Variants in PSD3 observed in about 807,000 individuals in gnomAD.
PSD3 encodes the protein PH and SEC7 domain-containing protein 3.
PSD3 carries 49 observed loss-of-function variants against 105.5 expected under a neutral mutation model. The ratio of observed to expected loss-of-function variants is 0.46; its 90% CI spans 0.37 to 0.59. The LOEUF (loss-of-function observed/expected upper bound fraction) is 0.59. Among genes scored for constraint, PSD3 ranks in the 20% least tolerant of loss-of-function variants. PSD3 has a pLI of 0.00. For missense variants in PSD3, 1,561 were observed against 1,263.8 expected, an observed-to-expected ratio of 1.24 and a Z score of -3.57; for synonymous variants, 557 against 457.8, an observed-to-expected ratio of 1.22 and a Z score of -2.77.
At chr8:18,825,243 A>G (rs1195228060) in intron 4 of PSD3, among the ~76,000 whole-genome samples, 6 of 152,204 alleles carry the variant, frequency 3.9e-5, no homozygotes, top group Non-Finnish European at 8.8e-5. Context: ...CCTAAGTTCT[A>G]AACAAATTTA....
At chr8:18,704,336 G>A (rs1801764158) in intron 9 of PSD3, among the ~76,000 whole-genome samples, 1 of 152,112 alleles carries the variant, frequency 6.6e-6, no homozygotes, top group Non-Finnish European at 1.5e-5. Context: ...GTGTATAAAG[G>A]AAAATAAGAG....
chr8:18,907,580 G>A (rs1819927805), intron 2 of PSD3, among the ~76,000 whole-genome samples: 1 of 152,172 alleles, frequency 6.6e-6, no homozygotes. Flanking sequence ...CATTAAGGCA[G>A]CAACATGTTG....
intron 8 of PSD3, among the ~76,000 whole-genome samples, chr8:18,786,547 A>G (rs534841568): frequency 4.0e-4 from 61 of 152,258 alleles, no homozygotes; most frequent in African/African-American, 1.3e-3. Flanking sequence ...TACCAATTTG[A>G]CTCACGTGGA....
chr8:18,540,257 A>G lies in PSD3; in HGVS notation c.2929-4299T>C, dbSNP rs116205524. Among the ~76,000 whole-genome samples the G allele has an allele frequency of 4.2e-3, 643 of 152,330 alleles. 5 individuals are homozygous for G. The highest frequency in any genetic ancestry group is 0.015 in the African/African-American group (627 of 41,564). ...ACATTGTTTTTTAAGACATAATGCA[A>G]TTGTACACTTAACGGATGACTGTAT... On this transcript the variant is annotated intron_variant, in intron 15 of 15. Transcript: ENST00000327040.
intron 9 of PSD3, among the ~76,000 whole-genome samples, chr8:18,661,923 T>C (rs1177208216): frequency 6.6e-5 from 10 of 152,200 alleles, no homozygotes; most frequent in Non-Finnish European, 1.5e-4. Flanking sequence ...AGAGAATGTA[T>C]ATTCATAAGC....
Position 19,027,204 on chromosome 8 carries a change from G to A in PSD3, c.324+57002C>T, listed in dbSNP as rs181016527. Among the ~76,000 whole-genome samples the A allele has an allele frequency of 5.3e-5, 8 of 151,982 alleles. No homozygotes were observed. The East Asian group carries it at 9.6e-4, about 18-fold the overall frequency. On this transcript the variant is annotated intron_variant, in intron 1 of 1. Coordinates refer to the PSD3 transcript ENST00000521475. Reference sequence around the variant, plus strand: ...AGACTCTCATTCTGTCAGATCAGAGGTCTCCAAGGGAAAAAAACAAAAAAG... The same window carrying A: ...AGACTCTCATTCTGTCAGATCAGAGATCTCCAAGGGAAAAAAACAAAAAAG...
chr8:18,733,366 A>G (rs6980995), intron 9 of PSD3: 11,665 of 152,364 alleles, frequency 0.077, 879 homozygotes, highest in East Asian at 0.24. Context: ...GAAACTGATA[A>G]ATGGAGGGGG....
Position 18,787,038 on chromosome 8 carries a change from G to A in PSD3, c.2082+12257C>T, listed in dbSNP as rs1320729565. Among the ~76,000 whole-genome samples, 5 of 152,194 alleles carry A rather than the reference G, an allele frequency of 3.3e-5. No homozygotes were observed. In the East Asian group the frequency reaches 9.6e-4, roughly 29 times the overall value. ...TTTTCTCCTTGTCATGTACCAGGCT[G>A]TCTCAATTATTTTAAAATACTATTA... On this transcript the variant is annotated intron_variant, in intron 8 of 15. Transcript: ENST00000327040.
At chr8:18,981,321 C>T (rs1825242255) in intron 1 of PSD3, among the ~76,000 whole-genome samples, 1 of 152,186 alleles carries the variant, frequency 6.6e-6, no homozygotes, top group Non-Finnish European at 1.5e-5. Context: ...AAAAAGTCCA[C>T]TCATTATTGA....
intron 1 of PSD3, among the ~76,000 whole-genome samples, chr8:18,951,827 A>G (rs1242890201): frequency 1.3e-5 from 2 of 152,052 alleles, no homozygotes; most frequent in Non-Finnish European, 2.9e-5. Context: ...TCCACTAAAA[A>G]TACAAAAAAT....
intron 9 of PSD3, among the ~76,000 whole-genome samples, chr8:18,756,041 C>A (rs73593569): frequency 1.1e-4 from 16 of 152,246 alleles, no homozygotes; most frequent in African/African-American, 3.9e-4. Flanking sequence ...AAGCCAGAAC[C>A]TTTAAAGCTT....
At chr8:18,910,511 T>G (rs1820139991) in intron 2 of PSD3, among the ~76,000 whole-genome samples, 1 of 111,296 alleles carries the variant, frequency 9.0e-6, no homozygotes, top group Admixed American at 9.4e-5. Context: ...GGGGGAGGGA[T>G]AGCATTGGGA....
chr8:18,586,771 T>G (rs573014740), intron 12 of PSD3, among the ~76,000 whole-genome samples: 4 of 152,166 alleles, frequency 2.6e-5, no homozygotes, highest in Non-Finnish European at 5.9e-5. Flanking sequence ...GGCCGAGACG[T>G]TGGCAGCCGC....
chr8:18,600,934 G>C (rs950601647), intron 11 of PSD3, among the ~76,000 whole-genome samples: 1 of 152,120 alleles, frequency 6.6e-6, no homozygotes, highest in African/African-American at 2.4e-5. Flanking sequence ...CCCTCAACCA[G>C]AGTGCAAGTT....
chr8:18,750,247 T>C (rs1350761620), intron 9 of PSD3, among the ~76,000 whole-genome samples: 1 of 152,176 alleles, frequency 6.6e-6, no homozygotes, highest in Admixed American at 6.5e-5. Flanking sequence ...TCGCGGTGAG[T>C]GCTACAGCTC....
chr8:18,704,659 G>T (rs1801785990), intron 9 of PSD3, among the ~76,000 whole-genome samples: 1 of 152,112 alleles, frequency 6.6e-6, no homozygotes, highest in African/African-American at 2.4e-5. Context: ...GAACCTTATT[G>T]TGAGTTTCCA....
chr8:18,630,363 T>A (rs1388260423), intron 11 of PSD3, among the ~76,000 whole-genome samples: 1 of 151,940 alleles, frequency 6.6e-6, no homozygotes, highest in African/African-American at 2.4e-5. Context: ...TCTATATTCA[T>A]ATGTATTAGG....
In PSD3 at chr8:18,685,846, G is replaced by A. The variant is rs552586012; in HGVS notation, c.2173-30161C>T. On this transcript the variant is annotated intron_variant, in intron 9 of 15. Coordinates refer to ENST00000327040, the MANE Select transcript of PSD3 (RefSeq NM_015310.4). ...AGTAAGAAACTAATACCATAATAAA[G>A]ATAAAAATTCAAAATGTCCCGTGTA... Among the ~76,000 whole-genome samples, 4 of 152,190 alleles carry A rather than the reference G, an allele frequency of 2.6e-5. No homozygotes were observed. In the East Asian group the frequency reaches 7.7e-4, roughly 29 times the overall value.
intron 12 of PSD3, among the ~76,000 whole-genome samples, chr8:18,592,003 G>A (rs2130501156): frequency 6.6e-6 from 1 of 152,234 alleles, no homozygotes; most frequent in South Asian, 2.1e-4. Flanking sequence ...CAAATGTGCA[G>A]ATCCCAATAC....
Sources: gnomAD v4.1 joint callset for allele counts (sites outside exome capture counted in the v4.1 genomes callset) on GRCh38, gnomAD v4.1.1 for gene constraint, MANE v1.5 for transcripts, NCBI Gene and HGNC (gene_info 2026-07-23, HGNC 2026-07-21) for gene names.